Variants in CHAF1A observed in about 807,000 individuals in gnomAD.
CHAF1A encodes the protein CAF-1 subunit A.
CHAF1A carries 5 observed loss-of-function variants against 93.2 expected under a neutral mutation model. That is an observed-to-expected ratio of 0.05 (90% confidence interval 0.03 to 0.11). The LOEUF (loss-of-function observed/expected upper bound fraction) is 0.11. CHAF1A is among the 10% of genes least tolerant of loss of function. The pLI is 1.00. For synonymous variants in CHAF1A, 504 were observed against 510.3 expected (o/e 0.99, Z 0.17); for missense variants, 1,102 against 1,259.9 (o/e 0.87, Z 1.90).
intron 1 of CHAF1A, among the ~76,000 whole-genome samples, chr19:4,404,541 A>G (rs1404363828): frequency 6.6e-6 from 1 of 152,190 alleles, no homozygotes; most frequent in Non-Finnish European, 1.5e-5. Flanking sequence ...TGAAGTGGCT[A>G]GAAAGGAAAC....
chr19:4,422,506 C>T lies in CHAF1A; in HGVS notation c.1018-60C>T, dbSNP rs765789295. On this transcript the variant is annotated intron_variant, in intron 4 of 14. Coordinates refer to ENST00000301280, the MANE Select transcript of CHAF1A (RefSeq NM_005483.3). The surrounding 1 kb of genome is among the most constrained non-coding windows in gnomAD (Gnocchi z 4.6). ...CCGTGCTGTCCTCCATGCTGTGAAC[C>T]GAGCTTCCTCCTGGGAGTTGGAGGG... 133 of 1,468,532 alleles carry T rather than the reference C, an allele frequency of 9.1e-5. No homozygotes were observed. The highest frequency in any genetic ancestry group is 3.3e-5 in the Non-Finnish European group (35 of 1,074,462). 91.0% of individuals were successfully genotyped at this position (1,468,532 alleles called of 1,614,324 possible).
intron 13 of CHAF1A, 112 bp from the exon 14 acceptor site, chr19:4,442,133 G>A (rs978117525): frequency 3.1e-5 from 25 of 806,154 alleles, no homozygotes; most frequent in African/African-American, 1.5e-4. Flanking sequence ...GTTTCCTTCC[G>A]TGTTGGGGGT....
At chr19:4,405,626 T>TG (rs1399372648) in intron 1 of CHAF1A, among the ~76,000 whole-genome samples, 3 of 150,588 alleles carry the variant, frequency 2.0e-5, no homozygotes, top group Admixed American at 6.6e-5. Context: ...AAAAAAAAAT[T>TG]TTTTTTTTTT....
In CHAF1A at chr19:4,431,961, G is replaced by A. The variant is rs768790348; in HGVS notation, c.1957G>A (p.Asp653Asn). The A allele has an allele frequency of 8.7e-6, 14 of 1,607,634 alleles. No homozygotes were observed. The highest frequency in any genetic ancestry group is 2.2e-5 in the East Asian group (1 of 44,670). Residue 653 changes from aspartate to asparagine, a missense_variant, in exon 12 of 15, where the codon GAC becomes AAC. Around this residue, in one of 6 missense-constraint regions of CHAF1A, gnomAD observed 335 missense variants for 361.9 expected, o/e 0.93. Transcript: ENST00000301280. Reference protein sequence around the residue: ...EDEGVTEECADPENHKVRQKL... With the variant: ...EDEGVTEECANPENHKVRQKL... ...CTTTCTAAACCACAAGGAGTGTGCC[G>A]ACCCTGAGAACCATAAGGTCCGCCA... is the stretch of plus-strand genomic sequence containing the variant.
At chr19:4,446,079 G>A (rs916216165), downstream of CHAF1A, 30 of 1,612,534 alleles carry the variant, frequency 1.9e-5, no homozygotes, top group South Asian at 1.5e-4. Context: ...CCAGGTTCTC[G>A]TCCTCGGACA....
chr19:4,427,006 C>T (rs1252222104), intron 7 of CHAF1A, among the ~76,000 whole-genome samples: 1 of 150,750 alleles, frequency 6.6e-6, no homozygotes, highest in Non-Finnish European at 1.5e-5. Flanking sequence ...GCAGGAGAAT[C>T]GCCCAACCCA....
Position 4,443,209 on chromosome 19 carries a change from G to A in CHAF1A, c.*184G>A, listed in dbSNP as rs1369830012. On this transcript the variant is annotated 3_prime_UTR_variant, in exon 15 of 15. Coordinates refer to ENST00000301280, the MANE Select transcript of CHAF1A (RefSeq NM_005483.3). ...ATTTGTAAAAATTCCCCCAAGAGCC[G>A]CATATGAATCTGCCCTTTAATAAAG... 1.1e-5 allele frequency: 7 copies of A among 614,628 alleles called. No homozygotes were observed. The highest frequency in any genetic ancestry group is 9.0e-5 in the South Asian group (5 of 55,490). The allele number at this position is 614,628 out of a possible 1,614,324, so 38.1% of individuals were successfully genotyped here. A position where few individuals can be genotyped will look rare whatever the true frequency, so the allele number is the denominator to read the frequency against.
chr19:4,417,493 C>T (rs1973915463), intron 3 of CHAF1A, among the ~76,000 whole-genome samples: 1 of 142,174 alleles, frequency 7.0e-6, no homozygotes. Context: ...CAGAGTCTCA[C>T]CCTGTTGCCC....
chr19:4,445,714 C>A (rs1974496461), downstream of CHAF1A: 1 of 1,544,230 alleles, frequency 6.5e-7, no homozygotes, highest in Non-Finnish European at 8.7e-7. Context: ...CGGGGATGCC[C>A]CGGCCTGGAA....
chr19:4,402,661 C>CA lies in CHAF1A; in HGVS notation c.-102_-101insA. On this transcript the variant is annotated 5_prime_UTR_variant, in exon 1 of 15. Transcript: ENST00000301280. ...CCGCCAAATACGAGCGCGGCGGCCG[C>CA]GGCGGCAGCAGCGGCGCGGGCGGGA... 1.3e-6 allele frequency: 1 copy of CA among 767,564 alleles called. No homozygotes were observed. Among genetic ancestry groups the CA allele is most frequent in the Admixed American group, 4.9e-5 (1 of 20,340 alleles). The allele number at this position is 767,564 out of a possible 1,614,324, so 47.5% of individuals were successfully genotyped here.
chr19:4,442,689 G>A (rs1303417010), intron 14 of CHAF1A, among the ~76,000 whole-genome samples: 1 of 152,242 alleles, frequency 6.6e-6, no homozygotes, highest in African/African-American at 2.4e-5. Context: ...CCTGCAGCAG[G>A]CTGCGTGGGA....
chr19:4,436,785 G>T (rs1302670285), intron 13 of CHAF1A, among the ~76,000 whole-genome samples: 1 of 152,062 alleles, frequency 6.6e-6, no homozygotes, highest in Non-Finnish European at 1.5e-5. Flanking sequence ...CAGCTGGGGT[G>T]CAGTGCCCCG....
At chr19:4,408,302 C>T (rs1174647791) in intron 2 of CHAF1A, among the ~76,000 whole-genome samples, 1 of 150,880 alleles carries the variant, frequency 6.6e-6, no homozygotes, top group Non-Finnish European at 1.5e-5. Context: ...ACACCATTCT[C>T]CTGCCTCAGT....
intron 3 of CHAF1A, among the ~76,000 whole-genome samples, chr19:4,414,713 C>T (rs105038): frequency 0.33 from 50,085 of 151,968 alleles, 8,740 homozygotes; most frequent in East Asian, 0.6. Flanking sequence ...CTCAGTTCTG[C>T]TGTTTCTGTG....
In CHAF1A at chr19:4,403,512, G is replaced by A. The variant is rs1380653297; in HGVS notation, c.52+698G>A. Among the ~76,000 whole-genome samples the A allele has an allele frequency of 6.6e-5, 10 of 152,256 alleles. 1 individual carries two copies. The highest frequency in any genetic ancestry group is 2.4e-4 in the African/African-American group (10 of 41,474). ...CATTACGCTTTGGCACATAGTAGGT[G>A]CTCAGTAAATAACGTGAACGAATGA... On this transcript the variant is annotated intron_variant, in intron 1 of 14. Coordinates refer to ENST00000301280, the MANE Select transcript of CHAF1A (RefSeq NM_005483.3).
intron 2 of CHAF1A, among the ~76,000 whole-genome samples, chr19:4,407,793 C>A (rs1467023763): frequency 6.6e-6 from 1 of 151,858 alleles, no homozygotes; most frequent in Admixed American, 6.6e-5. Context: ...ACTAAAAATA[C>A]AAAAATTAGC....
intron 13 of CHAF1A, among the ~76,000 whole-genome samples, chr19:4,441,681 C>T (rs1220740038): frequency 2.0e-5 from 3 of 151,418 alleles, no homozygotes; most frequent in African/African-American, 4.9e-5. Flanking sequence ...CTGAGGCGGG[C>T]GGATCACGAG....
downstream of CHAF1A, chr19:4,448,385 T>C (rs1271906927): frequency 6.2e-7 from 1 of 1,607,174 alleles, no homozygotes; most frequent in East Asian, 2.2e-5. Context: ...ATCTTCATGA[T>C]GGAGGCGGCC....
downstream of CHAF1A, chr19:4,445,418 G>A: frequency 6.3e-7 from 1 of 1,588,894 alleles, no homozygotes; most frequent in South Asian, 1.1e-5. Context: ...GAGGTGGCTT[G>A]GAGGCCCTGG....
Sources: allele counts gnomAD v4.1 joint callset (sites outside exome capture counted in the v4.1 genomes callset), GRCh38; gene constraint gnomAD v4.1.1; regional missense constraint gnomAD v4.1.1; non-coding constraint Gnocchi (gnomAD v3.1); transcripts MANE v1.5; gene names NCBI Gene and HGNC (gene_info 2026-07-23, HGNC 2026-07-21).